Variants in SGTB observed in about 807,000 individuals in gnomAD.
SGTB encodes small glutamine rich tetratricopeptide repeat co-chaperone beta, also known as small glutamine-rich tetratricopeptide repeat-containing protein beta.
Under a neutral mutation model 43.9 loss-of-function variants are expected in SGTB, and 19 were observed. The observed-to-expected ratio is 0.43, with a 90% CI of 0.30 to 0.63. SGTB has a LOEUF of 0.63. Among genes scored for constraint, SGTB ranks in the 30% least tolerant of loss-of-function variants. The pLI is 0.12. For synonymous variants in SGTB, 116 were observed against 117.3 expected (o/e 0.99, Z 0.07); for missense variants, 304 against 358.9 (o/e 0.85, Z 1.24).
At chr5:65,711,359 G>GA (rs758998393) in intron 3 of SGTB, among the ~76,000 whole-genome samples, 74 of 141,092 alleles carry the variant, frequency 5.2e-4, no homozygotes, top group Admixed American at 7.7e-4. Context: ...TCCTGAGAAG[G>GA]AAAAAAAAAA....
At chr5:65,721,670 G>A (rs1464061856) in intron 1 of SGTB, among the ~76,000 whole-genome samples, 1 of 152,158 alleles carries the variant, frequency 6.6e-6, no homozygotes, top group African/African-American at 2.4e-5. Flanking sequence ...TCTAGGCCAC[G>A]GGGTCATAAG....
Position 65,670,040 on chromosome 5 carries a change from T to C in SGTB, c.*206A>G, listed in dbSNP as rs1313189106. 3 of 500,320 alleles carry C rather than the reference T, an allele frequency of 6.0e-6. No homozygotes were observed. Among genetic ancestry groups the C allele is most frequent in the Non-Finnish European group, 1.1e-5 (3 of 283,244 alleles). 31.0% of individuals were successfully genotyped at this position (500,320 alleles called of 1,614,324 possible). On this transcript the variant is annotated 3_prime_UTR_variant, in exon 11 of 11. Coordinates refer to ENST00000381007, the MANE Select transcript of SGTB (RefSeq NM_019072.3). ...CTAGTGATCATTTCAAAAGGAGTCA[T>C]GTTATGTTTTGAGTTTGTTTGTGAT...
At chr5:65,721,723 G>C (rs972591659) in intron 1 of SGTB, among the ~76,000 whole-genome samples, 194 bp downstream of exon 1, 4 of 152,178 alleles carry the variant, frequency 2.6e-5, no homozygotes, top group Non-Finnish European at 1.5e-5. Flanking sequence ...ACAGAATGGG[G>C]GGAAAAGGGG....
intron 5 of SGTB, among the ~76,000 whole-genome samples, chr5:65,703,234 A>G (rs971034713): frequency 3.3e-5 from 5 of 152,214 alleles, no homozygotes; most frequent in African/African-American, 9.6e-5. Flanking sequence ...TCCCTATTCA[A>G]AAATAACCCT....
At chr5:65,673,505 G>A (rs1354885759) in intron 8 of SGTB, among the ~76,000 whole-genome samples, 3 of 152,142 alleles carry the variant, frequency 2.0e-5, no homozygotes, top group African/African-American at 4.8e-5. Context: ...AACTGCGCAT[G>A]TGAAGGACCT....
intron 2 of SGTB, among the ~76,000 whole-genome samples, chr5:65,718,025 T>C (rs567941159): frequency 3.3e-5 from 5 of 152,194 alleles, no homozygotes; most frequent in Admixed American, 6.5e-5. Context: ...TTGGAGGTAC[T>C]GGTTGGGTCA....
Sources: allele counts gnomAD v4.1 joint callset (sites outside exome capture counted in the v4.1 genomes callset), GRCh38; gene constraint gnomAD v4.1.1; transcripts MANE v1.5; gene names NCBI Gene and HGNC (gene_info 2026-07-23, HGNC 2026-07-21).